Variants in ST6GALNAC3 observed in about 807,000 individuals in gnomAD.
ST6GALNAC3 encodes alpha-N-acetylgalactosaminide alpha-2,6-sialyltransferase 3.
In ST6GALNAC3, 25 loss-of-function variants were observed where a neutral mutation model predicts 32.7. That is an observed-to-expected ratio of 0.76 (90% confidence interval 0.56 to 1.07). The LOEUF is 1.07. Among genes scored for constraint, ST6GALNAC3 ranks in the 50% least tolerant of loss-of-function variants. ST6GALNAC3 has a pLI of 0.00. For synonymous variants in ST6GALNAC3, 129 were observed against 133.1 expected, an observed-to-expected ratio of 0.97 and a Z score of 0.21; for missense variants, 355 against 382.4, an observed-to-expected ratio of 0.93 and a Z score of 0.60.
chr1:76,603,248 T>C (rs563305828), intron 3 of ST6GALNAC3, among the ~76,000 whole-genome samples: 1 of 152,274 alleles, frequency 6.6e-6, no homozygotes, highest in East Asian at 1.9e-4. Flanking sequence ...AGAGAAGCAC[T>C]AGTACAGGTG....
rs1194241918 is a variant in ST6GALNAC3 at position 76,630,925 on chromosome 1, TA to T, written c.*2124del. 1.0e-6 allele frequency: 1 copy of T among 985,390 alleles called. No homozygotes were observed. The highest frequency in any genetic ancestry group is 1.7e-5 in the African/African-American group (1 of 57,184). The allele number at this position is 985,390 out of a possible 1,614,324, so 61.0% of individuals were successfully genotyped here. Reference sequence around the variant, plus strand: ...TTCCCCCTGTTGTTTCACTTTAAAATAAAAAGAAATCCTTGATTAATCAGAA... The same window carrying T: ...TTCCCCCTGTTGTTTCACTTTAAAATAAAAGAAATCCTTGATTAATCAGAA... On this transcript the variant is annotated 3_prime_UTR_variant, in exon 5 of 5. Transcript: ENST00000328299.
chr1:76,190,814 A>G (rs748323295), intron 1 of ST6GALNAC3, among the ~76,000 whole-genome samples: 1 of 152,182 alleles, frequency 6.6e-6, no homozygotes, highest in Non-Finnish European at 1.5e-5. Context: ...AGGGGTTTTT[A>G]TATTTATTTG....
chr1:76,637,188 AT>A, downstream of ST6GALNAC3: 1 of 152,206 alleles, frequency 6.6e-6, no homozygotes, highest in Non-Finnish European at 1.5e-5. Flanking sequence ...TGATTATAAA[AT>A]TGCTTAAATA....
chr1:76,075,668 A>C (rs1646805764), intron 1 of ST6GALNAC3, among the ~76,000 whole-genome samples: 1 of 151,520 alleles, frequency 6.6e-6, no homozygotes, highest in South Asian at 2.1e-4. Flanking sequence ...GCCTCACTTA[A>C]AAAGAACTTT....
intron 1 of ST6GALNAC3, among the ~76,000 whole-genome samples, chr1:76,106,635 G>A (rs1383841862): frequency 6.6e-6 from 1 of 152,094 alleles, no homozygotes; most frequent in Non-Finnish European, 1.5e-5. Flanking sequence ...TGGATCATCA[G>A]CAACAACATA....
At chr1:76,327,041 T>C (rs879817771) in intron 2 of ST6GALNAC3, among the ~76,000 whole-genome samples, 1 of 152,144 alleles carries the variant, frequency 6.6e-6, no homozygotes, top group Admixed American at 6.5e-5. Flanking sequence ...AAGGAAGAAT[T>C]CAAATGTTTT....
At chr1:76,389,374 A>T (rs953737434) in intron 2 of ST6GALNAC3, among the ~76,000 whole-genome samples, 5 of 152,192 alleles carry the variant, frequency 3.3e-5, no homozygotes, top group African/African-American at 1.2e-4. Flanking sequence ...CTGGAGCCAC[A>T]TGAAGAGTTT....
intron 2 of ST6GALNAC3, among the ~76,000 whole-genome samples, chr1:76,409,713 G>T (rs1055539920): frequency 6.6e-6 from 1 of 151,952 alleles, no homozygotes; most frequent in South Asian, 2.1e-4. Flanking sequence ...GGTGGCCAAA[G>T]AATATAAATG....
intron 3 of ST6GALNAC3, among the ~76,000 whole-genome samples, chr1:76,619,473 T>C (rs756976238): frequency 6.6e-6 from 1 of 152,134 alleles, no homozygotes; most frequent in South Asian, 2.1e-4. Flanking sequence ...CATACATTTT[T>C]AATTGTTTTA....
At chr1:76,468,229 A>G (rs1658777487) in intron 3 of ST6GALNAC3, among the ~76,000 whole-genome samples, 1 of 151,944 alleles carries the variant, frequency 6.6e-6, no homozygotes, top group African/African-American at 2.4e-5. Flanking sequence ...TGAAAAAATT[A>G]AAGCAGCAGA....
At chr1:76,364,524 G>C (rs919011534) in intron 2 of ST6GALNAC3, among the ~76,000 whole-genome samples, 7 of 152,046 alleles carry the variant, frequency 4.6e-5, no homozygotes, top group African/African-American at 1.7e-4. Context: ...CTGCACTCCA[G>C]CCTGGGTGAC....
intron 3 of ST6GALNAC3, among the ~76,000 whole-genome samples, chr1:76,539,724 A>C (rs951174339): frequency 1.3e-5 from 2 of 152,204 alleles, no homozygotes; most frequent in African/African-American, 4.8e-5. Flanking sequence ...TCTCAAAAGA[A>C]GACATTTATG....
rs79310514 is a variant in ST6GALNAC3 at position 76,366,846 on chromosome 1, C to T, written c.214-45162C>T. Among the ~76,000 whole-genome samples the T allele has an allele frequency of 4.4e-3, 667 of 152,256 alleles. 2 individuals are homozygous for T. The highest frequency in any genetic ancestry group is 0.015 in the African/African-American group (618 of 41,542). On this transcript the variant is annotated intron_variant, in intron 2 of 4. Coordinates refer to ENST00000328299, the MANE Select transcript of ST6GALNAC3 (RefSeq NM_152996.4). ...TGAGTAAACAACCTCTGTGGAAATA[C>T]AGTTAATTAAATCTCGATTCTATAA...
chr1:76,269,837 G>C (rs900700992), intron 1 of ST6GALNAC3, among the ~76,000 whole-genome samples: 1 of 152,180 alleles, frequency 6.6e-6, no homozygotes, highest in African/African-American at 2.4e-5. Context: ...TTGTTAATGA[G>C]CCCTGTCTTC....
At chr1:76,272,320 C>A (rs1484331642) in intron 1 of ST6GALNAC3, among the ~76,000 whole-genome samples, 4 of 84,872 alleles carry the variant, frequency 4.7e-5, no homozygotes, top group Non-Finnish European at 7.7e-5. Context: ...AAGACTCAGT[C>A]TCGGAAAAAA....
At chr1:76,494,433 A>G (rs913445914) in intron 3 of ST6GALNAC3, among the ~76,000 whole-genome samples, 19 of 25,944 alleles carry the variant, frequency 7.3e-4, no homozygotes, top group African/African-American at 6.9e-4. Context: ...GCATGTGTAT[A>G]TATATATATA....
chr1:76,416,934 G>A (rs1454493356), intron 3 of ST6GALNAC3, among the ~76,000 whole-genome samples: 1 of 151,734 alleles, frequency 6.6e-6, no homozygotes, highest in Non-Finnish European at 1.5e-5. Flanking sequence ...CCAGCATTGT[G>A]TTTTTTTTCT....
In ST6GALNAC3 at chr1:76,329,115, G is replaced by A. The variant is rs544541138; in HGVS notation, c.213+15116G>A. ...GAGGGCATTCATCTCTTCAGTAAGT[G>A]GTGTGCTTGTGTCAGAAATTTTTAT... On this transcript the variant is annotated intron_variant, in intron 2 of 4. Transcript: ENST00000328299. Among the ~76,000 whole-genome samples the A allele has an allele frequency of 1.2e-3, 186 of 152,234 alleles. 1 individual carries two copies. The highest frequency in any genetic ancestry group is 4.2e-3 in the African/African-American group (175 of 41,540).
intron 1 of ST6GALNAC3, among the ~76,000 whole-genome samples, chr1:76,311,792 AC>A (rs1475868648): frequency 6.6e-6 from 1 of 152,138 alleles, no homozygotes; most frequent in Non-Finnish European, 1.5e-5. Context: ...TTGGTTATAT[AC>A]CCAGTAACGG....
Sources: allele counts gnomAD v4.1 joint callset (sites outside exome capture counted in the v4.1 genomes callset), GRCh38; gene constraint gnomAD v4.1.1; transcripts MANE v1.5; gene names NCBI Gene and HGNC (gene_info 2026-07-23, HGNC 2026-07-21).